The following SYNPR variants were observed in gnomAD, a reference collection of about 807,000 sequenced individuals.
SYNPR encodes the protein synaptoporin.
SYNPR carries 23 observed loss-of-function variants against 32.9 expected under a neutral mutation model. The ratio of observed to expected loss-of-function variants is 0.70; its 90% CI spans 0.50 to 0.99. The LOEUF (loss-of-function observed/expected upper bound fraction) is 0.99, where lower values mean the gene tolerates loss of function less well. Ranked by LOEUF, SYNPR falls within the 50% of genes least tolerant of loss-of-function variation. The pLI is 0.00. For synonymous variants in SYNPR, 146 were observed against 135.9 expected, an observed-to-expected ratio of 1.07 and a Z score of -0.52; for missense variants, 318 against 349.3, an observed-to-expected ratio of 0.91 and a Z score of 0.71.
At chr3:63,253,623 T>C (rs2086356509) in intron 2 of SYNPR, among the ~76,000 whole-genome samples, 2 of 152,134 alleles carry the variant, frequency 1.3e-5, no homozygotes, top group Non-Finnish European at 2.9e-5. Flanking sequence ...TGAGATACCA[T>C]CTCACACCAG....
chr3:63,598,417 C>A (rs1446927983), intron 4 of SYNPR, among the ~76,000 whole-genome samples: 1 of 152,146 alleles, frequency 6.6e-6, no homozygotes, highest in African/African-American at 2.4e-5. Context: ...TGAATGGAAA[C>A]AAACCACCCA....
intron 2 of SYNPR, among the ~76,000 whole-genome samples, chr3:63,438,321 C>T (rs1700118893): frequency 1.3e-5 from 2 of 152,182 alleles, no homozygotes; most frequent in South Asian, 4.1e-4. Flanking sequence ...AAACTTTTCC[C>T]TCTACTTTCA....
chr3:63,522,371 C>T (rs965281252), intron 3 of SYNPR, among the ~76,000 whole-genome samples: 5 of 152,204 alleles, frequency 3.3e-5, no homozygotes, highest in African/African-American at 4.8e-5. Flanking sequence ...ATTGCTACTA[C>T]GTATTCACCA....
At chr3:63,211,734 G>C in the SYNPR span, among the ~76,000 whole-genome samples, 9 of 145,814 alleles carry the variant, frequency 6.2e-5, no homozygotes, top group South Asian at 1.8e-3. Context: ...TATACTTTAA[G>C]TTTTAGGGTA....
chr3:63,287,640 G>C (rs1176829417), intron 2 of SYNPR, among the ~76,000 whole-genome samples: 1 of 152,076 alleles, frequency 6.6e-6, no homozygotes, highest in Non-Finnish European at 1.5e-5. Flanking sequence ...AGAAAGTATT[G>C]GTTAAGAAAA....
chr3:63,397,369 T>C (rs900671091), intron 2 of SYNPR, among the ~76,000 whole-genome samples: 1 of 152,220 alleles, frequency 6.6e-6, no homozygotes. Context: ...TAGTTGAAAC[T>C]CTGGTATAAA....
chr3:63,492,292 C>G lies in SYNPR; in HGVS notation c.209+11336C>G, dbSNP rs910958806. 2.6e-5 allele frequency among the ~76,000 whole-genome samples: 4 copies of G among 152,076 alleles called. No individual in the cohort carries two copies. In the East Asian group the frequency reaches 7.7e-4, roughly 29 times the overall value. On this transcript the variant is annotated intron_variant, in intron 3 of 5. Transcript: ENST00000478300. ...ACCAGATGATGACTACCACAGAAAC[C>G]CTTGCTGAACCTCAGTTTCCTACAA...
At chr3:63,487,095 T>C (rs1329661787) in intron 3 of SYNPR, among the ~76,000 whole-genome samples, 1 of 152,212 alleles carries the variant, frequency 6.6e-6, no homozygotes, top group East Asian at 1.9e-4. Flanking sequence ...TAGTTATATT[T>C]ATAAAGATTA....
At chr3:63,480,735 A>G in intron 2 of SYNPR, 97 bp from the exon 3 acceptor site, 1 of 1,451,844 alleles carries the variant, frequency 6.9e-7, no homozygotes, top group East Asian at 2.4e-5. Flanking sequence ...AGGACCATAA[A>G]TTCCCTCAAT....
chr3:63,265,266 T>TTTTTTTTTTTTTTA (rs1708336851), intron 2 of SYNPR, among the ~76,000 whole-genome samples: 1 of 112,206 alleles, frequency 8.9e-6, no homozygotes. Flanking sequence ...TTTTTTTTTT[T>TTTTTTTTTTTTTTA]TCTGAGATGG....
chr3:63,449,702 C>T (rs985872704), intron 2 of SYNPR, among the ~76,000 whole-genome samples: 1 of 152,110 alleles, frequency 6.6e-6, no homozygotes, highest in Non-Finnish European at 1.5e-5. Flanking sequence ...AGTTGCTTTC[C>T]CCGAATATAC....
intron 2 of SYNPR, among the ~76,000 whole-genome samples, chr3:63,358,396 G>C (rs6797633): frequency 0.035 from 5,326 of 152,212 alleles, 324 homozygotes; most frequent in African/African-American, 0.12. Context: ...CTCTGCTTTT[G>C]TCATCACATC....
intron 2 of SYNPR, among the ~76,000 whole-genome samples, chr3:63,315,940 A>C (rs2087039137): frequency 1.3e-5 from 2 of 151,870 alleles, no homozygotes; most frequent in South Asian, 2.1e-4. Flanking sequence ...TAAGAGTTTT[A>C]ATTATAAAGT....
chr3:63,471,167 A>C (rs1700788209), intron 2 of SYNPR, among the ~76,000 whole-genome samples: 1 of 152,170 alleles, frequency 6.6e-6, no homozygotes, highest in African/African-American at 2.4e-5. Context: ...ACGGTATTCA[A>C]TTTTTGACAG....
chr3:63,391,829 C>T lies in SYNPR; in HGVS notation c.85-89003C>T, dbSNP rs149047253. On this transcript the variant is annotated intron_variant, in intron 2 of 5. Coordinates refer to ENST00000478300, the MANE Select transcript of SYNPR (RefSeq NM_001130003.2). ...TAACTCCTGTGCTAACCCCATTTTACAGAAGAGGACACTGAGCTGATGAAA... is the reference window on the plus strand; with the variant it reads ...TAACTCCTGTGCTAACCCCATTTTATAGAAGAGGACACTGAGCTGATGAAA... 9.8e-5 allele frequency among the ~76,000 whole-genome samples: 15 copies of T among 152,290 alleles called. No individual in the cohort carries two copies. The East Asian group carries it at 2.1e-3, about 22-fold the overall frequency.
intron 2 of SYNPR, among the ~76,000 whole-genome samples, chr3:63,264,271 A>C (rs1464200246): frequency 6.6e-6 from 1 of 152,220 alleles, no homozygotes; most frequent in Non-Finnish European, 1.5e-5. Context: ...TAGATTAAAA[A>C]AAGTGAAGAA....
At chr3:63,291,485 C>T (rs916630214) in intron 2 of SYNPR, among the ~76,000 whole-genome samples, 4 of 152,240 alleles carry the variant, frequency 2.6e-5, no homozygotes, top group Middle Eastern at 3.4e-3. Context: ...ATCTGATGGG[C>T]TACCTTTAAT....
chr3:63,376,387 G>T (rs116683244), intron 2 of SYNPR, among the ~76,000 whole-genome samples: 1 of 151,988 alleles, frequency 6.6e-6, no homozygotes, highest in Non-Finnish European at 1.5e-5. Flanking sequence ...TGGCTTCCTC[G>T]TACTTAGGAT....
intron 2 of SYNPR, among the ~76,000 whole-genome samples, chr3:63,355,035 T>C (rs2087557906): frequency 6.6e-6 from 1 of 152,112 alleles, no homozygotes; most frequent in Non-Finnish European, 1.5e-5. Context: ...TCCCAGCACT[T>C]TGGGAGGCCA....
Sources: allele counts gnomAD v4.1 joint callset (sites outside exome capture counted in the v4.1 genomes callset), GRCh38; gene constraint gnomAD v4.1.1; transcripts MANE v1.5; gene names NCBI Gene and HGNC (gene_info 2026-07-23, HGNC 2026-07-21).